The following DNAJC13 variants were observed in gnomAD, a reference collection of about 807,000 sequenced individuals.
DNAJC13 encodes DnaJ heat shock protein family (Hsp40) member C13.
A neutral mutation model predicts 290.5 loss-of-function variants in DNAJC13; 75 were observed. That is an observed-to-expected ratio of 0.26 (90% CI 0.21 to 0.31). The LOEUF is 0.31. DNAJC13 is among the 10% of genes least tolerant of loss of function. The pLI, the probability that DNAJC13 is intolerant of heterozygous loss-of-function variation, is 1.00. For missense variants in DNAJC13, 2,260 were observed against 2,674.5 expected, an observed-to-expected ratio of 0.85 and a Z score of 3.42; for synonymous variants, 862 against 892.0, an observed-to-expected ratio of 0.97 and a Z score of 0.60.
At chr3:132,422,938 A>C (rs952681425) in intron 1 of DNAJC13, among the ~76,000 whole-genome samples, 1 of 152,224 alleles carries the variant, frequency 6.6e-6, no homozygotes, top group African/African-American at 2.4e-5. Context: ...CAGTGGTAAT[A>C]TCTCTTTGCA....
chr3:132,487,447 G>A (rs112880875), intron 29 of DNAJC13, among the ~76,000 whole-genome samples: 9,459 of 151,284 alleles, frequency 0.063, 390 homozygotes, highest in Non-Finnish European at 0.092. Flanking sequence ...TAGTAGAGAC[G>A]GGGTTTCACC....
intron 36 of DNAJC13, 35 bp from the exon 37 acceptor site, chr3:132,499,091 T>C (rs1446225867): frequency 6.7e-7 from 1 of 1,501,136 alleles, no homozygotes. Context: ...TCAATTTTGT[T>C]TTGTTTTTCT....
chr3:132,461,269 T>A, intron 15 of DNAJC13, 64 bp downstream of exon 15: 6 of 1,555,530 alleles, frequency 3.9e-6, no homozygotes, highest in Non-Finnish European at 3.5e-6. Context: ...TTAGGATCAC[T>A]GTTTCTAAGA....
chr3:132,484,451 C>A (rs538999080), intron 28 of DNAJC13, 137 bp from the exon 29 acceptor site: 1 of 711,358 alleles, frequency 1.4e-6, no homozygotes, highest in East Asian at 2.7e-5. Context: ...TAATCATGTT[C>A]CCAGCTGTAT....
At chr3:132,418,735 G>A (rs994169637) in intron 1 of DNAJC13, among the ~76,000 whole-genome samples, 1 of 152,144 alleles carries the variant, frequency 6.6e-6, no homozygotes, top group African/African-American at 2.4e-5. Context: ...GGGGAAAAAA[G>A]TAGAAGTTCA....
At chr3:132,440,319 C>A (rs1216251326) in intron 2 of DNAJC13, among the ~76,000 whole-genome samples, 2 of 152,214 alleles carry the variant, frequency 1.3e-5, no homozygotes, top group Non-Finnish European at 2.9e-5. Flanking sequence ...TTCAGTTATT[C>A]TACTGGAGTT....
intron 27 of DNAJC13, among the ~76,000 whole-genome samples, 173 bp from the exon 28 acceptor site, chr3:132,483,202 G>GT (rs1934740465): frequency 6.6e-6 from 1 of 151,316 alleles, no homozygotes; most frequent in African/African-American, 2.4e-5. Context: ...GTTTTTTTTT[G>GT]TATTAACCAA....
intron 20 of DNAJC13, among the ~76,000 whole-genome samples, chr3:132,469,896 T>TATCACA (rs1451771999): frequency 1.3e-5 from 2 of 149,856 alleles, no homozygotes; most frequent in Non-Finnish European, 3.0e-5. Context: ...TTTTTGTTTC[T>TATCACA]ATCACAATGA....
chr3:132,480,597 A>C, intron 26 of DNAJC13, 127 bp downstream of exon 26: 1 of 630,456 alleles, frequency 1.6e-6, no homozygotes, highest in Non-Finnish European at 2.7e-6. Context: ...CAGTAGTACT[A>C]GTTCTGAGAT....
chr3:132,469,263 T>C (rs967998405), intron 20 of DNAJC13, among the ~76,000 whole-genome samples: 1 of 152,258 alleles, frequency 6.6e-6, no homozygotes, highest in Non-Finnish European at 1.5e-5. Flanking sequence ...AATGATCTTA[T>C]GCTGTAGTTA....
chr3:132,524,255 T>C (rs1328478964), intron 51 of DNAJC13, among the ~76,000 whole-genome samples: 1 of 152,228 alleles, frequency 6.6e-6, no homozygotes, highest in African/African-American at 2.4e-5. Context: ...GTATATAAGA[T>C]TTTGTTTTTC....
At chr3:132,440,237 A>G (rs1576461244) in intron 2 of DNAJC13, among the ~76,000 whole-genome samples, 2 of 152,250 alleles carry the variant, frequency 1.3e-5, no homozygotes, top group African/African-American at 2.4e-5. Context: ...ATCTTGGGCA[A>G]TGGAGCTAGA....
At chr3:132,529,575 C>G (rs981735945) in intron 54 of DNAJC13, among the ~76,000 whole-genome samples, 1 of 152,092 alleles carries the variant, frequency 6.6e-6, no homozygotes, top group Non-Finnish European at 1.5e-5. Context: ...ATCACGAGGT[C>G]AGGAGATCAA....
At chr3:132,426,516 C>T (rs572810712) in intron 1 of DNAJC13, among the ~76,000 whole-genome samples, 5 of 152,200 alleles carry the variant, frequency 3.3e-5, no homozygotes, top group Non-Finnish European at 7.3e-5. Context: ...CTACCAAGAT[C>T]TCATTCAAGA....
At chr3:132,512,658 A>C (rs1295009363) in intron 44 of DNAJC13, among the ~76,000 whole-genome samples, 1 of 152,216 alleles carries the variant, frequency 6.6e-6, no homozygotes, top group Non-Finnish European at 1.5e-5. Context: ...GAATATAATT[A>C]GGTTGAGGGG....
chr3:132,480,016 A>C (rs996134049), intron 25 of DNAJC13, among the ~76,000 whole-genome samples: 1 of 152,200 alleles, frequency 6.6e-6, no homozygotes, highest in Non-Finnish European at 1.5e-5. Context: ...ATTTTTTAAT[A>C]TAGCAGACTT....
chr3:132,528,064 G>A, intron 53 of DNAJC13, 125 bp from the exon 54 acceptor site: 1 of 965,836 alleles, frequency 1.0e-6, no homozygotes. Flanking sequence ...ACTTAAGCCT[G>A]TGTATGGCAT....
intron 2 of DNAJC13, among the ~76,000 whole-genome samples, chr3:132,438,955 C>T (rs1932956364): frequency 2.0e-5 from 3 of 152,108 alleles, no homozygotes; most frequent in South Asian, 4.1e-4. Flanking sequence ...CCTAAGTAAG[C>T]CATTTCAGAG....
intron 31 of DNAJC13, among the ~76,000 whole-genome samples, chr3:132,490,098 A>G (rs1298080583): frequency 6.6e-6 from 1 of 152,220 alleles, no homozygotes; most frequent in Non-Finnish European, 1.5e-5. Flanking sequence ...CCAAAAGTTT[A>G]ACAGATAGTG....
Sources: gnomAD v4.1 joint callset for allele counts (sites outside exome capture counted in the v4.1 genomes callset) on GRCh38, gnomAD v4.1.1 for gene constraint, MANE v1.5 for transcripts, NCBI Gene and HGNC (gene_info 2026-07-23, HGNC 2026-07-21) for gene names.